CSMD3: variants seen among roughly 807,000 people sequenced by gnomAD.
CSMD3 encodes CUB and sushi domain-containing protein 3.
CSMD3 carries 177 observed loss-of-function variants against 435.2 expected under a neutral mutation model. That is an observed-to-expected ratio of 0.41 (90% CI 0.36 to 0.46). The LOEUF is 0.46. Ranked by LOEUF, CSMD3 falls within the 20% of genes least tolerant of loss-of-function variation. The pLI, the probability that CSMD3 is intolerant of heterozygous loss-of-function variation, is 0.34. For missense variants in CSMD3, 4,265 were observed against 4,504.6 expected (o/e 0.95, Z 1.52); for synonymous variants, 1,656 against 1,520.5 (o/e 1.09, Z -2.07).
At chr8:112,825,055 A>C (rs2132452965) in intron 12 of CSMD3, among the ~76,000 whole-genome samples, 1 of 152,220 alleles carries the variant, frequency 6.6e-6, no homozygotes, top group East Asian at 1.9e-4. Context: ...TCAGCAAGAC[A>C]GTCTTCAAAA....
chr8:112,850,648 A>AT (rs1209067475), intron 11 of CSMD3, among the ~76,000 whole-genome samples: 1 of 152,160 alleles, frequency 6.6e-6, no homozygotes, highest in African/African-American at 2.4e-5. Flanking sequence ...TATTTCCTCA[A>AT]TTTTTTTGTG....
chr8:112,956,288 G>A (rs1398412517), intron 7 of CSMD3, among the ~76,000 whole-genome samples: 1 of 151,866 alleles, frequency 6.6e-6, no homozygotes, highest in Non-Finnish European at 1.5e-5. Flanking sequence ...GACGCTTTTT[G>A]TTGTGATTCT....
chr8:112,717,383 A>G (rs186434339), intron 13 of CSMD3, among the ~76,000 whole-genome samples: 1 of 152,310 alleles, frequency 6.6e-6, no homozygotes, highest in African/African-American at 2.4e-5. Context: ...ATCTCTTGCC[A>G]GTCAGAATGG....
chr8:113,328,761 A>ATTTTTTTTTTTT, intron 1 of CSMD3, among the ~76,000 whole-genome samples: 1 of 7,848 alleles, frequency 1.3e-4, no homozygotes, highest in East Asian at 8.9e-3. Flanking sequence ...TTTTTTTTTG[A>ATTTTTTTTTTTT]TACAGGGTCT....
intron 1 of CSMD3, among the ~76,000 whole-genome samples, chr8:113,421,258 G>T (rs1193467634): frequency 1.3e-5 from 2 of 152,142 alleles, no homozygotes; most frequent in Non-Finnish European, 2.9e-5. Flanking sequence ...TTTGTCCCAA[G>T]ATAATTGCAC....
At chr8:112,574,249 A>G (rs1829764958) in intron 23 of CSMD3, among the ~76,000 whole-genome samples, 1 of 152,084 alleles carries the variant, frequency 6.6e-6, no homozygotes, top group South Asian at 2.1e-4. Context: ...TTCTGAAAGT[A>G]TAACTGCTTA....
intron 5 of CSMD3, among the ~76,000 whole-genome samples, chr8:113,082,885 GAAA>G (rs2089621932): frequency 1.3e-5 from 2 of 152,048 alleles, no homozygotes; most frequent in African/African-American, 4.8e-5. Flanking sequence ...CAAGTCTTTT[GAAA>G]TAACACACTC....
At chr8:112,255,052 G>A (rs1486263404) in intron 62 of CSMD3, among the ~76,000 whole-genome samples, 1 of 151,924 alleles carries the variant, frequency 6.6e-6, no homozygotes, top group Non-Finnish European at 1.5e-5. Flanking sequence ...TCTTTCAAGT[G>A]TTTCTTCTGG....
chr8:112,672,703 T>A (rs538502936), intron 16 of CSMD3, among the ~76,000 whole-genome samples: 1 of 152,200 alleles, frequency 6.6e-6, no homozygotes, highest in East Asian at 1.9e-4. Flanking sequence ...AAAACAACAA[T>A]GAGATATGTA....
intron 5 of CSMD3, among the ~76,000 whole-genome samples, chr8:113,026,130 G>A (rs1168234822): frequency 6.6e-6 from 1 of 152,148 alleles, no homozygotes; most frequent in Non-Finnish European, 1.5e-5. Flanking sequence ...ACATTCAGAG[G>A]CAGTGAGGAC....
intron 1 of CSMD3, among the ~76,000 whole-genome samples, chr8:113,420,890 T>C (rs1342759143): frequency 6.6e-6 from 1 of 151,592 alleles, no homozygotes; most frequent in Admixed American, 6.6e-5. Context: ...GCGGAGGTTG[T>C]AGTAGCTGAG....
intron 3 of CSMD3, among the ~76,000 whole-genome samples, chr8:113,229,598 C>T (rs2093063045): frequency 6.6e-6 from 1 of 151,602 alleles, no homozygotes; most frequent in Non-Finnish European, 1.5e-5. Flanking sequence ...CCTGAGCTCA[C>T]AGTTTATAAA....
At position 112,683,947 on chromosome 8, in the gene CSMD3, A is replaced by G. The variant is rs192808061; in HGVS notation, c.2483-1311T>C. Among the ~76,000 whole-genome samples the G allele has an allele frequency of 8.4e-4, 128 of 151,782 alleles. 2 individuals carry two copies. In the East Asian group the frequency reaches 9.7e-3, roughly 11 times the overall value. ...TTTATTTTGTAATTTTAAAAACTCA[A>G]TTTTGATTAAGCAGTGTAACTCTAA... is the stretch of plus-strand genomic sequence containing the variant. On this transcript the variant is annotated intron_variant, in intron 15 of 70. Transcript: ENST00000297405.
chr8:113,058,002 A>G (rs895335390), intron 5 of CSMD3, among the ~76,000 whole-genome samples: 1 of 151,834 alleles, frequency 6.6e-6, no homozygotes, highest in Non-Finnish European at 1.5e-5. Flanking sequence ...AAAATTAGCT[A>G]TTTTTACTTA....
In CSMD3 at chr8:112,985,654, C is replaced by A. The variant is rs150608377; in HGVS notation, c.1031-9506G>T. On this transcript the variant is annotated intron_variant, in intron 6 of 70. Coordinates refer to ENST00000297405, the MANE Select transcript of CSMD3 (RefSeq NM_198123.2). ...AAAGCTTCATCTGTATTTACAGCTA[C>A]TCCCCATTGATCACATTACCTACTG... Among the ~76,000 whole-genome samples the A allele has an allele frequency of 6.6e-3, 1,006 of 152,190 alleles. 11 individuals carry two copies. The highest frequency in any genetic ancestry group is 0.023 in the African/African-American group (965 of 41,546).
chr8:112,325,898 T>A (rs894271474), intron 45 of CSMD3, among the ~76,000 whole-genome samples: 1 of 152,114 alleles, frequency 6.6e-6, no homozygotes, highest in African/African-American at 2.4e-5. Flanking sequence ...AGGGCAGTTA[T>A]GAGAATCAAA....
intron 14 of CSMD3, among the ~76,000 whole-genome samples, chr8:112,687,499 T>C (rs990843995): frequency 6.6e-6 from 1 of 152,218 alleles, no homozygotes; most frequent in Non-Finnish European, 1.5e-5. Context: ...TACAATCTTT[T>C]AGCATCATAT....
intron 19 of CSMD3, among the ~76,000 whole-genome samples, chr8:112,648,744 A>T (rs1422977698): frequency 6.6e-6 from 1 of 152,138 alleles, no homozygotes; most frequent in Non-Finnish European, 1.5e-5. Context: ...GGTTCTTATA[A>T]TATTGCCTCC....
intron 3 of CSMD3, among the ~76,000 whole-genome samples, chr8:113,272,525 T>G (rs1364960953): frequency 6.6e-6 from 1 of 152,216 alleles, no homozygotes; most frequent in Non-Finnish European, 1.5e-5. Flanking sequence ...TGTTTGGGGT[T>G]TCTGCTTTTG....
Sources: gnomAD v4.1 joint callset for allele counts (sites outside exome capture counted in the v4.1 genomes callset) on GRCh38, gnomAD v4.1.1 for gene constraint, MANE v1.5 for transcripts, NCBI Gene and HGNC (gene_info 2026-07-23, HGNC 2026-07-21) for gene names.